Variants in CRTC1 observed in about 807,000 individuals in gnomAD.
CRTC1 encodes the protein CREB-regulated transcription coactivator 1.
Under a neutral mutation model 66.1 loss-of-function variants are expected in CRTC1, and 18 were observed. The ratio of observed to expected loss-of-function variants is 0.27; its 90% CI spans 0.19 to 0.40. The LOEUF (loss-of-function observed/expected upper bound fraction) is 0.40. Ranked by LOEUF, CRTC1 falls within the 10% of genes least tolerant of loss-of-function variation. The pLI, the probability that CRTC1 is intolerant of heterozygous loss-of-function variation, is 1.00. For missense variants in CRTC1, 669 were observed against 887.9 expected (o/e 0.75, Z 3.13); for synonymous variants, 416 against 398.8 (o/e 1.04, Z -0.51).
At chr19:18,700,715 TG>T (rs1435896544) in intron 1 of CRTC1, among the ~76,000 whole-genome samples, 2 of 152,170 alleles carry the variant, frequency 1.3e-5, no homozygotes, top group Non-Finnish European at 2.9e-5. Context: ...CGCCTGGGAC[TG>T]GCTCTGTGGG....
intron 8 of CRTC1, among the ~76,000 whole-genome samples, chr19:18,764,616 A>G (rs114681099): frequency 0.066 from 10,106 of 152,248 alleles, 1,132 homozygotes; most frequent in African/African-American, 0.23. Flanking sequence ...GGCTCCTGGC[A>G]GGACCTCCAG....
chr19:18,751,650 A>G (rs1296539388), intron 5 of CRTC1, among the ~76,000 whole-genome samples: 1 of 151,366 alleles, frequency 6.6e-6, no homozygotes, highest in Non-Finnish European at 1.5e-5. Context: ...CGTCGCTCAG[A>G]CTCTCCCTCT....
intron 11 of CRTC1, among the ~76,000 whole-genome samples, chr19:18,774,449 A>G (rs1328258530): frequency 2.6e-5 from 4 of 152,116 alleles, no homozygotes; most frequent in African/African-American, 9.7e-5. Flanking sequence ...CATCCTGTCC[A>G]TGTACGTGGC....
At chr19:18,773,467 C>G (rs1409490846) in intron 11 of CRTC1, among the ~76,000 whole-genome samples, 4 of 152,138 alleles carry the variant, frequency 2.6e-5, no homozygotes, top group Non-Finnish European at 4.4e-5. Flanking sequence ...TATGCCAGGC[C>G]TTTTTGAGCC....
Position 18,765,451 on chromosome 19 carries a change from A to G in CRTC1, c.934A>G (p.Ser312Gly). 2 of 1,612,850 alleles carry G rather than the reference A, an allele frequency of 1.2e-6. No homozygotes were observed. ...SSPQHRPAGV[S>G]PLSLSTEARR... Reference sequence around the variant, plus strand: ...TCCACAGCACCGCCCAGCTGGCGTCAGCCCCCTGTCCCTGAGCACAGAGGC... The same window carrying G: ...TCCACAGCACCGCCCAGCTGGCGTCGGCCCCCTGTCCCTGAGCACAGAGGC... Residue 312 changes from serine to glycine, a missense_variant, in exon 9 of 14, where the codon AGC becomes GGC. Physicochemically the swap from Ser to Gly is moderately conservative, Grantham distance 56 (BLOSUM62 0). Around this residue, in one of 8 missense-constraint regions of CRTC1, gnomAD observed 241 missense variants for 242.2 expected, o/e 0.99. Transcript: ENST00000321949.
In CRTC1 at chr19:18,779,946, C is replaced by T. The variant is rs994356776; in HGVS notation, c.*2564C>T. ...GATTCACGCCCCTCCTGGACCTGGG[C>T]GGGCCTCCCAGGGGGTCTGTATCAC... is the stretch of plus-strand genomic sequence containing the variant. On this transcript the variant is annotated 3_prime_UTR_variant, in exon 14 of 14. Coordinates refer to ENST00000321949, the MANE Select transcript of CRTC1 (RefSeq NM_015321.3). 7 of 228,684 alleles carry T rather than the reference C, an allele frequency of 3.1e-5. No individual in the cohort carries two copies. The highest frequency in any genetic ancestry group is 6.2e-5 in the East Asian group (1 of 16,048). The allele number at this position is 228,684 out of a possible 1,614,324, so 14.2% of individuals were successfully genotyped here.
At chr19:18,770,666 TGTGCATGC>T (rs1379540723) in intron 10 of CRTC1, among the ~76,000 whole-genome samples, 1 of 152,192 alleles carries the variant, frequency 6.6e-6, no homozygotes, top group Non-Finnish European at 1.5e-5. Flanking sequence ...TGTGTGCATG[TGTGCATGC>T]GTGGGTATGT....
At chr19:18,732,606 T>G (rs779024219) in intron 1 of CRTC1, among the ~76,000 whole-genome samples, 1 of 152,090 alleles carries the variant, frequency 6.6e-6, no homozygotes, top group Non-Finnish European at 1.5e-5. Flanking sequence ...GGGGAGGTAG[T>G]GCTTGAACTG....
At chr19:18,726,377 C>T (rs926809914) in intron 1 of CRTC1, among the ~76,000 whole-genome samples, 1 of 152,226 alleles carries the variant, frequency 6.6e-6, no homozygotes, top group South Asian at 2.1e-4. Flanking sequence ...CCCAGAGGAG[C>T]CCTCAGGCGG....
At chr19:18,766,133 T>A (rs2054729492) in intron 9 of CRTC1, among the ~76,000 whole-genome samples, 1 of 151,898 alleles carries the variant, frequency 6.6e-6, no homozygotes, top group Admixed American at 6.6e-5. Flanking sequence ...CCTTTTTTTT[T>A]TTTTTTAAGA....
intron 1 of CRTC1, among the ~76,000 whole-genome samples, chr19:18,724,828 A>T (rs2053710327): frequency 9.2e-6 from 1 of 109,106 alleles, no homozygotes; most frequent in Non-Finnish European, 2.0e-5. Flanking sequence ...CTCAGGTTCC[A>T]GGGATGAGGA....
In CRTC1 at chr19:18,780,554, A is replaced by C. The variant is rs770331850; in HGVS notation, c.*3172A>C. The C allele has an allele frequency of 3.1e-4, 72 of 230,830 alleles. No individual in the cohort carries two copies. The highest frequency in any genetic ancestry group is 1.3e-3 in the Middle Eastern group (1 of 776). The allele number at this position is 230,830 out of a possible 1,614,324, so 14.3% of individuals were successfully genotyped here. On this transcript the variant is annotated 3_prime_UTR_variant, in exon 14 of 14. Transcript: ENST00000321949. ...CAAGCTCCCGGGAGGACCCCTAGCC[A>C]GGAGGGCCCCCCATGTCCATCCATC...
intron 1 of CRTC1, among the ~76,000 whole-genome samples, chr19:18,730,649 C>T (rs1483642993): frequency 6.6e-6 from 1 of 152,136 alleles, no homozygotes; most frequent in Non-Finnish European, 1.5e-5. Flanking sequence ...GCAGTTCCTG[C>T]TGCCCGACCC....
chr19:18,771,463 C>G lies in CRTC1; in HGVS notation c.1342C>G (p.Arg448Gly), dbSNP rs755661640. The change falls in exon 11 of 14, where the codon CGC becomes GGC. Residue 448 changes from arginine to glycine, a missense_variant. Around this residue, in one of 8 missense-constraint regions of CRTC1, gnomAD observed 241 missense variants for 242.2 expected, o/e 0.99. Coordinates refer to ENST00000321949, the MANE Select transcript of CRTC1 (RefSeq NM_015321.3). This position sits in a 1 kb window ranked among gnomAD's most constrained non-coding sequence, Gnocchi z 4.6. ...IASAPALQQY[R>G]TSAGSPANQS... ...GCAGGCGCCGGCTCTGCAGCAGTAC[C>G]GCACTAGCGCCGGCTCCCCGGCCAA... The G allele has an allele frequency of 3.7e-6, 6 of 1,613,420 alleles. No homozygotes were observed. The highest frequency in any genetic ancestry group is 5.1e-6 in the Non-Finnish European group (6 of 1,179,658).
rs547778263 is a variant in CRTC1, at chr19:18,736,709, GA to G, written c.127-6200del. ...CTAGACTTTGAAGCCTAGAGGTGGA[GA>G]GGGGGGGAAACTGAGGCCTGACTGG... On this transcript the variant is annotated intron_variant, in intron 1 of 13. Transcript: ENST00000321949. Among the ~76,000 whole-genome samples, 255 of 150,570 alleles carry G rather than the reference GA, an allele frequency of 1.7e-3. 1 individual carries two copies. Among genetic ancestry groups the G allele is most frequent in the Middle Eastern group, 6.9e-3 (2 of 290 alleles).
At chr19:18,709,465 G>T (rs570322371) in intron 1 of CRTC1, among the ~76,000 whole-genome samples, 2 of 152,322 alleles carry the variant, frequency 1.3e-5, no homozygotes, top group Non-Finnish European at 2.9e-5. Flanking sequence ...AAGCCTCCAG[G>T]CCCAAAATGG....
chr19:18,701,922 G>GT (rs1173804936), intron 1 of CRTC1, among the ~76,000 whole-genome samples: 4,904 of 114,058 alleles, frequency 0.043, 179 homozygotes, highest in African/African-American at 0.094. Context: ...CCACCGTTTT[G>GT]TTTTTTTTTT....
At chr19:18,736,007 C>T (rs1354796986) in intron 1 of CRTC1, among the ~76,000 whole-genome samples, 1 of 152,098 alleles carries the variant, frequency 6.6e-6, no homozygotes, top group Non-Finnish European at 1.5e-5. Context: ...CGTGGTGGGG[C>T]GGGAGCTGGG....
At chr19:18,699,600 C>A (rs1297632652) in intron 1 of CRTC1, among the ~76,000 whole-genome samples, 3 of 152,122 alleles carry the variant, frequency 2.0e-5, no homozygotes, top group Non-Finnish European at 1.5e-5. Flanking sequence ...CCCGGAGACA[C>A]CTTGGAGAGC....
Sources: allele counts gnomAD v4.1 joint callset (sites outside exome capture counted in the v4.1 genomes callset), GRCh38; gene constraint gnomAD v4.1.1; regional missense constraint gnomAD v4.1.1; non-coding constraint Gnocchi (gnomAD v3.1); transcripts MANE v1.5; gene names NCBI Gene and HGNC (gene_info 2026-07-23, HGNC 2026-07-21).